CYP3A5: variants seen among roughly 807,000 people sequenced by gnomAD.
CYP3A5 encodes the protein cytochrome P450 family 3 subfamily A member 5.
CYP3A5 carries 51 observed loss-of-function variants against 55.9 expected under a neutral mutation model. The ratio of observed to expected loss-of-function variants is 0.91; its 90% CI spans 0.73 to 1.15. CYP3A5 has a LOEUF of 1.15. Ranked by LOEUF, CYP3A5 falls within the 50% of genes most tolerant of loss-of-function variation. The pLI is 0.00. For synonymous variants in CYP3A5, 196 were observed against 213.9 expected (o/e 0.92, Z 0.73); for missense variants, 533 against 596.6 (o/e 0.89, Z 1.11).
intron 12 of CYP3A5, among the ~76,000 whole-genome samples, chr7:99,649,650 T>G (rs1443154134): frequency 6.6e-6 from 1 of 152,194 alleles, no homozygotes; most frequent in African/African-American, 2.4e-5. Flanking sequence ...CATCATGAAT[T>G]TTTGAAGCTC....
chr7:99,652,643 A>G lies in CYP3A5; in HGVS notation c.1163T>C (p.Ile388Thr), dbSNP rs750222754. Residue 388 changes from isoleucine to threonine, a missense_variant, in exon 11 of 13, where the codon ATT (isoleucine) becomes ACT (threonine). Coordinates refer to ENST00000222982, the MANE Select transcript of CYP3A5 (RefSeq NM_000777.5). ...KKDVEINGVFIPKGSMVVIPT... is the reference protein window; with the variant it reads ...KKDVEINGVFTPKGSMVVIPT... ...AATCACCACCATTGACCCTTTGGGA[A>G]TGAATACCCCATTGATTTCAACATC... 9 of 1,613,984 alleles carry G rather than the reference A, an allele frequency of 5.6e-6. No homozygotes were observed. The highest frequency in any genetic ancestry group is 7.6e-6 in the Non-Finnish European group (9 of 1,179,994).
chr7:99,656,587 T>C (rs1809763331), intron 10 of CYP3A5, among the ~76,000 whole-genome samples: 1 of 152,230 alleles, frequency 6.6e-6, no homozygotes, highest in Admixed American at 6.5e-5. Flanking sequence ...AGGATGATGC[T>C]GGCCTCATAA....
Position 99,653,173 on chromosome 7 carries a change from G to T in CYP3A5, c.1027-394C>A, listed in dbSNP as rs1809354728. ...CATCTGTACCAAGAAAGAAAAACAG[G>T]GAAAAGAGCAAATATCCTCTTCACA... On this transcript the variant is annotated intron_variant, in intron 10 of 12. Transcript: ENST00000222982. This position sits in a 1 kb window ranked among gnomAD's most constrained non-coding sequence, Gnocchi z 4.2. Among the ~76,000 whole-genome samples, 1 of 152,164 alleles carries T rather than the reference G, an allele frequency of 6.6e-6. No individual in the cohort carries two copies. The highest frequency in any genetic ancestry group is 1.5e-5 in the Non-Finnish European group (1 of 68,028).
At position 99,666,582 on chromosome 7, in the gene CYP3A5, T is replaced by C; in HGVS notation, c.521+19A>G. On this transcript the variant is annotated intron_variant, in intron 6 of 12. Coordinates refer to ENST00000222982, the MANE Select transcript of CYP3A5 (RefSeq NM_000777.5). ...GGGCTCATGACAGCTCAGAACCCCA[T>C]GGCTGTGCTCCTACTTACTCTTTCA... 3 of 1,611,830 alleles carry C rather than the reference T, an allele frequency of 1.9e-6. No homozygotes were observed. The highest frequency in any genetic ancestry group is 1.3e-5 in the African/African-American group (1 of 74,986).
At chr7:99,675,739 G>C (rs1253511969) in intron 2 of CYP3A5, among the ~76,000 whole-genome samples, 1 of 113,238 alleles carries the variant, frequency 8.8e-6, no homozygotes, top group Non-Finnish European at 1.8e-5. Flanking sequence ...TGTTGACCAA[G>C]CTGGAGTGCA....
Position 99,672,856 on chromosome 7 carries a change from C to G in CYP3A5, c.219-177G>C, listed in dbSNP as rs1171621265. On this transcript the variant is annotated intron_variant, in intron 3 of 12. Coordinates refer to ENST00000222982, the MANE Select transcript of CYP3A5 (RefSeq NM_000777.5). The stretch of plus-strand genomic sequence containing the variant: ...TGTGACACACAGCAAGAGTCTCACA[C>G]AGGAGCCACCCAAGGCTTCATATGA... 5.0e-6 allele frequency: 7 copies of G among 1,413,664 alleles called. No homozygotes were observed. In the African/African-American group the frequency reaches 1.0e-4, roughly 20 times the overall value. The allele number at this position is 1,413,664 out of a possible 1,614,324, so 87.6% of individuals were successfully genotyped here.
intron 1 of CYP3A5, 49 bp downstream of exon 1, chr7:99,679,777 G>A: frequency 6.3e-7 from 1 of 1,577,770 alleles, no homozygotes; most frequent in South Asian, 1.1e-5. Flanking sequence ...GGCCCGATTA[G>A]CACCCCAAGT....
rs764560819 is a variant in CYP3A5, at chr7:99,666,604, T to C, written c.518A>G (p.Lys173Arg). Residue 173 changes from lysine (K) to arginine (R), a missense_variant, in exon 6 of 13, where the codon AAA becomes AGA. Physicochemically the swap from Lys to Arg is conservative, Grantham distance 26. Transcript: ENST00000222982. ...CCATGGCTGTGCTCCTACTTACTCT[T>C]TCAAGGTGACAGGCTTGCCTTTCTC... ...EAEKGKPVTL[K>R]DIFGAYSMDV... 30 of 1,613,560 alleles carry C rather than the reference T, an allele frequency of 1.9e-5. No individual in the cohort carries two copies. The highest frequency in any genetic ancestry group is 2.5e-5 in the Non-Finnish European group (30 of 1,179,698).
chr7:99,656,813 A>T (rs1332326193), intron 10 of CYP3A5, among the ~76,000 whole-genome samples: 1 of 151,822 alleles, frequency 6.6e-6, no homozygotes, highest in Admixed American at 6.6e-5. Context: ...GTCTTGGGAG[A>T]GTGTATGTGT....
In CYP3A5 at chr7:99,672,353, AG is replaced by A. The variant is rs369483980; in HGVS notation, c.318+226del. Among the ~76,000 whole-genome samples, 27 of 152,192 alleles carry A rather than the reference AG, an allele frequency of 1.8e-4. No homozygotes were observed. In the East Asian group the frequency reaches 4.8e-3, roughly 27 times the overall value. On this transcript the variant is annotated intron_variant, in intron 4 of 12. Transcript: ENST00000222982. The stretch of plus-strand genomic sequence containing the variant: ...GCATGAGCCATTATGCCCAGCCTGT[AG>A]TTTGCCATTTTAACTTTTGTGCCAA...
rs986383289 is a variant in CYP3A5, at chr7:99,664,182, A to C, written c.671-87T>G. ...ATTATAATTTTCTCTACCAGTAATA[A>C]GAATAAGAACATCATGATTCTCAAC... On this transcript the variant is annotated intron_variant, in intron 7 of 12. Transcript: ENST00000222982. 11 of 1,111,826 alleles carry C rather than the reference A, an allele frequency of 9.9e-6. No homozygotes were observed. In the African/African-American group the frequency reaches 1.8e-4, roughly 18 times the overall value. 68.9% of individuals were successfully genotyped at this position (1,111,826 alleles called of 1,614,324 possible). A position where few individuals can be genotyped will look rare whatever the true frequency, so the allele number is the denominator to read the frequency against.
intron 10 of CYP3A5, 113 bp downstream of exon 10, chr7:99,660,386 A>G: frequency 6.8e-7 from 1 of 1,475,658 alleles, no homozygotes; most frequent in Non-Finnish European, 9.0e-7. Context: ...ACATTATGTC[A>G]GTGAAGGAAT....
chr7:99,668,872 G>T (rs1811299815), intron 4 of CYP3A5, among the ~76,000 whole-genome samples: 2 of 152,182 alleles, frequency 1.3e-5, no homozygotes, highest in South Asian at 4.1e-4. Context: ...GACACTGTCA[G>T]GTATTAGGTG....
At position 99,666,951 on chromosome 7, in the gene CYP3A5, C is replaced by A. The variant is rs759812876; in HGVS notation, c.432+1G>T. The A allele has an allele frequency of 8.1e-6, 13 of 1,613,116 alleles. No individual in the cohort carries two copies. In the East Asian group the frequency reaches 2.9e-4, roughly 36 times the overall value. On this transcript the variant is annotated splice_donor_variant, in intron 5 of 12. Coordinates refer to ENST00000222982, the MANE Select transcript of CYP3A5 (RefSeq NM_000777.5). LOFTEE classifies it high-confidence loss of function. ...AATTAAGACTCATCTTATTTTCATA[C>A]CTCCTTGAGTTTTCCGCTGGTGAAG...
At chr7:99,675,733 G>C (rs1176489091) in intron 2 of CYP3A5, among the ~76,000 whole-genome samples, 1 of 101,180 alleles carries the variant, frequency 9.9e-6, no homozygotes, top group African/African-American at 3.9e-5. Context: ...TTGTTCTGTT[G>C]ACCAAGCTGG....
rs574240990 is a variant in CYP3A5 at position 99,657,962 on chromosome 7, T to G, written c.1026+2537A>C. Reference sequence around the variant, plus strand: ...TAGATCTTCCTCCATCCCTTTATTTTGAGCCTATGTGTTACTTTGCACGTG... The same window carrying G: ...TAGATCTTCCTCCATCCCTTTATTTGGAGCCTATGTGTTACTTTGCACGTG... On this transcript the variant is annotated intron_variant, in intron 10 of 12. Transcript: ENST00000222982. Among the ~76,000 whole-genome samples the G allele has an allele frequency of 3.1e-4, 47 of 152,360 alleles. 1 individual carries two copies. The highest frequency in any genetic ancestry group is 2.2e-3 in the Admixed American group (34 of 15,302).
In CYP3A5 at chr7:99,651,314, ATATGGATT is replaced by A. The variant is rs570137035; in HGVS notation, c.1254-1090_1254-1083del. On this transcript the variant is annotated intron_variant, in intron 11 of 12. Coordinates refer to ENST00000222982, the MANE Select transcript of CYP3A5 (RefSeq NM_000777.5). ...ATGAATTTATGGATTTATGTAAATC[ATATGGATT>A]TATGGATTTATATAAATCATATGAA... 2.2e-4 allele frequency among the ~76,000 whole-genome samples: 33 copies of A among 152,342 alleles called. No homozygotes were observed. The South Asian group carries it at 6.4e-3, about 30-fold the overall frequency.
Position 99,648,291 on chromosome 7 carries a change from A to G in CYP3A5, c.*14T>C, listed in dbSNP as rs15524. The stretch of plus-strand genomic sequence containing the variant: ...AGCTTTCTTGAAGACCAAAGTAGAA[A>G]TCCTTAGAATAACTCATTCTCCACT... On this transcript the variant is annotated 3_prime_UTR_variant, in exon 13 of 13. Coordinates refer to ENST00000222982, the MANE Select transcript of CYP3A5 (RefSeq NM_000777.5). 0.12 allele frequency: 200,320 copies of G among 1,605,368 alleles called. 25,133 individuals are homozygous for G. Among genetic ancestry groups the G allele is most frequent in the African/African-American group, 0.6 (44,464 of 74,642 alleles).
rs1027132103 is a variant in CYP3A5 at position 99,653,898 on chromosome 7, C to T, written c.1027-1119G>A. ...CTGGTTCCTAGCTTGGCTTCTTGGC[C>T]AGTGGCTACCTGACTGGAACATGAG... On this transcript the variant is annotated intron_variant, in intron 10 of 12. Transcript: ENST00000222982. The surrounding 1 kb of genome is among the most constrained non-coding windows in gnomAD (Gnocchi z 4.2). 4.6e-4 allele frequency among the ~76,000 whole-genome samples: 70 copies of T among 152,178 alleles called. No individual in the cohort carries two copies. The highest frequency in any genetic ancestry group is 1.6e-3 in the African/African-American group (67 of 41,436).
Sources: allele counts gnomAD v4.1 joint callset (sites outside exome capture counted in the v4.1 genomes callset), GRCh38; gene constraint gnomAD v4.1.1; non-coding constraint Gnocchi (gnomAD v3.1); transcripts MANE v1.5; gene names NCBI Gene and HGNC (gene_info 2026-07-23, HGNC 2026-07-21).